HK2: variants seen among roughly 807,000 people sequenced by gnomAD.
HK2 encodes hexokinase-2.
In HK2, 42 loss-of-function variants were observed where a neutral mutation model predicts 92.9. The observed-to-expected ratio is 0.45, with a 90% CI of 0.35 to 0.58. The LOEUF is 0.58. HK2 is among the 20% of genes least tolerant of loss of function. HK2 has a pLI of 0.00. For synonymous variants in HK2, 422 were observed against 468.0 expected (o/e 0.90, Z 1.27); for missense variants, 978 against 1,245.1 (o/e 0.79, Z 3.23).
At chr2:74,867,927 CCT>C (rs763656476) in intron 3 of HK2, 143 bp downstream of exon 3, 2 of 928,152 alleles carry the variant, frequency 2.2e-6, no homozygotes, top group Non-Finnish European at 3.5e-6. Flanking sequence ...GTAAGGGCTC[CCT>C]CTCAGCCGGA....
At chr2:74,847,989 A>G (rs886807502) in intron 1 of HK2, among the ~76,000 whole-genome samples, 2 of 152,214 alleles carry the variant, frequency 1.3e-5, no homozygotes, top group Non-Finnish European at 2.9e-5. Flanking sequence ...GAAGCATTTC[A>G]TGGGGAGCTA....
chr2:74,878,644 A>C (rs1201437636), intron 8 of HK2, 44 bp from the exon 9 acceptor site: 1 of 1,472,862 alleles, frequency 6.8e-7, no homozygotes, highest in Admixed American at 1.9e-5. Flanking sequence ...CACTGGCCAC[A>C]GTGGGTCAGA....
intron 1 of HK2, 75 bp from the exon 2 acceptor site, chr2:74,854,218 G>A (rs938936096): frequency 7.3e-7 from 1 of 1,362,518 alleles, no homozygotes; most frequent in Non-Finnish European, 1.0e-6. Context: ...AGAGCTGAGT[G>A]GTGTTCCATG....
intron 8 of HK2, among the ~76,000 whole-genome samples, chr2:74,878,431 G>A (rs1380398496): frequency 6.6e-6 from 1 of 151,174 alleles, no homozygotes; most frequent in Non-Finnish European, 1.5e-5. Flanking sequence ...GTGTGTGTGT[G>A]TGTGTGTGCG....
intron 1 of HK2, among the ~76,000 whole-genome samples, chr2:74,842,616 C>T (rs867524665): frequency 3.3e-5 from 5 of 152,114 alleles, no homozygotes; most frequent in South Asian, 4.1e-4. Context: ...CTCTGTGTGA[C>T]GTTGGATTGA....
chr2:74,873,441 C>T (rs1689148496), intron 5 of HK2, 70 bp downstream of exon 5: 2 of 990,584 alleles, frequency 2.0e-6, no homozygotes, highest in African/African-American at 3.2e-5. Flanking sequence ...CCCTGAGTGT[C>T]CTTGACTCAT....
Position 74,839,939 on chromosome 2 carries a change from A to G in HK2, c.63+5296A>G, listed in dbSNP as rs368731987. ...AGTGCTGGGATTACAGGCGTGAGCC[A>G]CTGCGCCTGGCCTTTTTTTTTTTTT... On this transcript the variant is annotated intron_variant, in intron 1 of 17. Coordinates refer to ENST00000290573, the MANE Select transcript of HK2 (RefSeq NM_000189.5). Among the ~76,000 whole-genome samples, 11 of 142,408 alleles carry G rather than the reference A, an allele frequency of 7.7e-5. No homozygotes were observed. The East Asian group carries it at 1.5e-3, about 19-fold the overall frequency. The allele number at this position is 142,408 out of a possible 152,430, so 93.4% of individuals were successfully genotyped here. A position where few individuals can be genotyped will look rare whatever the true frequency, so the allele number is the denominator to read the frequency against.
rs1396381792 is a variant in HK2 at position 74,834,863 on chromosome 2, G to C, written c.63+220G>C. ...CGGGGAGCCGAGGTCGCGCTCCGCC[G>C]GGCGCCCTCCCTCCCTGAGCTCCGG... is the stretch of plus-strand genomic sequence containing the variant. On this transcript the variant is annotated intron_variant, in intron 1 of 17. Coordinates refer to ENST00000290573, the MANE Select transcript of HK2 (RefSeq NM_000189.5). The surrounding 1 kb of genome is among the most constrained non-coding windows in gnomAD (Gnocchi z 4.2). Among the ~76,000 whole-genome samples, 1 of 152,184 alleles carries C rather than the reference G, an allele frequency of 6.6e-6. No individual in the cohort carries two copies. The highest frequency in any genetic ancestry group is 1.5e-5 in the Non-Finnish European group (1 of 68,018).
chr2:74,877,178 G>C lies in HK2; in HGVS notation c.888G>C (p.Met296Ile). The C allele has an allele frequency of 1.9e-6, 3 of 1,614,104 alleles. No homozygotes were observed. The highest frequency in any genetic ancestry group is 2.5e-6 in the Non-Finnish European group (3 of 1,180,028). ...LNPGKQLFEK[M>I]ISGMYMGELV... ...TGTCTTCCGGCAGGTTTGAGAAGAT[G>C]ATCAGTGGGATGTACATGGGGGAGC... Residue 296 changes from methionine to isoleucine, a missense_variant, in exon 8 of 18, where the codon ATG (methionine) becomes ATC (isoleucine). Physicochemically the swap from Met to Ile is conservative, Grantham distance 10. Around this residue, in one of 3 missense-constraint regions of HK2, gnomAD observed 742 missense variants for 922.5 expected, o/e 0.80. Coordinates refer to ENST00000290573, the MANE Select transcript of HK2 (RefSeq NM_000189.5).
chr2:74,859,928 T>C (rs1023159809), intron 2 of HK2, among the ~76,000 whole-genome samples: 1 of 152,160 alleles, frequency 6.6e-6, no homozygotes, highest in African/African-American at 2.4e-5. Context: ...TGCCCATCAA[T>C]GGACAGATGA....
In HK2 at chr2:74,854,344, A is replaced by C. The variant is rs756611794; in HGVS notation, c.115A>C (p.Ile39Leu). The change falls in exon 2 of 18, where the codon ATC becomes CTC. Residue 39 changes from isoleucine to leucine, a missense_variant. Around this residue, in one of 3 missense-constraint regions of HK2, gnomAD observed 189 missense variants for 289.5 expected, o/e 0.65. Coordinates refer to ENST00000290573, the MANE Select transcript of HK2 (RefSeq NM_000189.5). ...CCTCTCTGATGAGACCCTCTTGGAGATCTCTAAGCGGTTCCGCAAGGAGAT... is the reference window on the plus strand; with the variant it reads ...CCTCTCTGATGAGACCCTCTTGGAGCTCTCTAAGCGGTTCCGCAAGGAGAT... ...MRLSDETLLE[I>L]SKRFRKEMEK... The C allele has an allele frequency of 1.2e-6, 2 of 1,613,484 alleles. No individual in the cohort carries two copies. The highest frequency in any genetic ancestry group is 1.7e-6 in the Non-Finnish European group (2 of 1,179,962).
chr2:74,882,605 T>TATATATATATATATATATATATA, intron 12 of HK2, among the ~76,000 whole-genome samples: 1 of 75,738 alleles, frequency 1.3e-5, no homozygotes, highest in Non-Finnish European at 3.1e-5. Flanking sequence ...TCTATTGAAC[T>TATATATATATATATATATATATA]TATATATATA....
chr2:74,850,089 G>GAA (rs887674067), intron 1 of HK2, among the ~76,000 whole-genome samples: 25 of 152,362 alleles, frequency 1.6e-4, no homozygotes, highest in Admixed American at 1.6e-3. Context: ...ATTCCAGGCA[G>GAA]AAAAGTGATA....
At chr2:74,877,140 T>C (rs763559200) in intron 7 of HK2, 26 bp from the exon 8 acceptor site, 1 of 1,613,224 alleles carries the variant, frequency 6.2e-7, no homozygotes, top group Admixed American at 1.7e-5. Flanking sequence ...GGGGACTTTA[T>C]GTTTTTGGTT....
rs200225889 is a variant in HK2 at position 74,882,236 on chromosome 2, C to A, written c.1836C>A (p.Asp612Glu). The A allele has an allele frequency of 3.1e-6, 5 of 1,613,970 alleles. No individual in the cohort carries two copies. The highest frequency in any genetic ancestry group is 4.2e-6 in the Non-Finnish European group (5 of 1,179,914). The part of the protein sequence containing the change: ...FSFPCQQNSL[D>E]ESILLKWTKG... ...TCCCCTGCCAGCAGAACAGCCTGGACGAGGTAACAGCACCTTCCTGGAGGG... is the reference window on the plus strand; with the variant it reads ...TCCCCTGCCAGCAGAACAGCCTGGAAGAGGTAACAGCACCTTCCTGGAGGG... The change falls in exon 12 of 18, where the codon GAC becomes GAA. Residue 612 changes from aspartate to glutamate, a missense_variant. Asp to Glu is a conservative substitution (Grantham distance 45, BLOSUM62 2). Transcript: ENST00000290573.
intron 3 of HK2, 36 bp from the exon 4 acceptor site, chr2:74,872,264 C>T: frequency 1.9e-6 from 3 of 1,612,482 alleles, no homozygotes; most frequent in Non-Finnish European, 2.5e-6. Flanking sequence ...TGCTGTTCGA[C>T]CTCTCTGCTC....
In HK2 at chr2:74,877,337, G is replaced by GC; in HGVS notation, c.1031+21dup. 1 of 1,613,958 alleles carries GC rather than the reference G, an allele frequency of 6.2e-7. No individual in the cohort carries two copies. Among genetic ancestry groups the GC allele is most frequent in the Non-Finnish European group, 8.5e-7 (1 of 1,179,874 alleles). On this transcript the variant is annotated intron_variant, in intron 8 of 17. Coordinates refer to ENST00000290573, the MANE Select transcript of HK2 (RefSeq NM_000189.5). The stretch of plus-strand genomic sequence containing the variant: ...ACATTGAAGGGTGAGCTTCTGGCCA[G>GC]CCCCCTCTATTTGCTGGATCACCAC...
rs750425414 is a variant in HK2 at position 74,880,408 on chromosome 2, G to A, written c.1409G>A (p.Arg470His). 6.8e-6 allele frequency: 11 copies of A among 1,614,076 alleles called. No homozygotes were observed. The highest frequency in any genetic ancestry group is 5.0e-5 in the Admixed American group (3 of 60,016). The change falls in exon 10 of 18, where the codon CGC becomes CAC. Residue 470 changes from arginine (R) to histidine (H), a missense_variant. Physicochemically the swap from Arg to His is conservative, Grantham distance 29. Around this residue, in one of 3 missense-constraint regions of HK2, gnomAD observed 742 missense variants for 922.5 expected, o/e 0.80. Coordinates refer to ENST00000290573, the MANE Select transcript of HK2 (RefSeq NM_000189.5). Reference sequence around the variant, plus strand: ...CGGCTGGCCGATCAACACCGTGCCCGCCAGAAGACATTAGAGCATCTGCAG... The same window carrying A: ...CGGCTGGCCGATCAACACCGTGCCCACCAGAAGACATTAGAGCATCTGCAG... The part of the protein sequence containing the change: ...AYRLADQHRA[R>H]QKTLEHLQLS...
rs868331823 is a variant in HK2 at position 74,880,460 on chromosome 2, C to T, written c.1461C>T (p.Val487=). ...LQLSHDQLLE[V]KRRMKVEMER... is the part of the protein sequence containing the mutation. ...TGAGCCATGACCAGCTGCTGGAGGT[C>T]AAGAGGAGGATGAAGGTAGAAATGG... Residue 487 remains valine (V), a synonymous_variant, in exon 10 of 18, where the codon GTC becomes GTT. Transcript: ENST00000290573. The T allele has an allele frequency of 6.2e-6, 10 of 1,614,078 alleles. No homozygotes were observed. The highest frequency in any genetic ancestry group is 3.3e-4 in the Middle Eastern group (2 of 6,084).
Sources: gnomAD v4.1 joint callset for allele counts (sites outside exome capture counted in the v4.1 genomes callset) on GRCh38, gnomAD v4.1.1 for gene constraint, gnomAD v4.1.1 regional missense constraint, Gnocchi (gnomAD v3.1) non-coding constraint, MANE v1.5 for transcripts, NCBI Gene and HGNC (gene_info 2026-07-23, HGNC 2026-07-21) for gene names.